The following GBE1 variants were observed in gnomAD, a reference collection of about 807,000 sequenced individuals.
GBE1 encodes 1,4-alpha-glucan branching enzyme 1, also known as 1,4-alpha-glucan-branching enzyme.
Under a neutral mutation model 88.8 loss-of-function variants are expected in GBE1, and 70 were observed. That is an observed-to-expected ratio of 0.79 (90% confidence interval 0.65 to 0.96). The LOEUF (loss-of-function observed/expected upper bound fraction) is 0.96, where lower values mean the gene tolerates loss of function less well. Among genes scored for constraint, GBE1 ranks in the 40% least tolerant of loss-of-function variants. The pLI is 0.00. For synonymous variants in GBE1, 284 were observed against 300.1 expected (o/e 0.95, Z 0.56); for missense variants, 872 against 871.0 (o/e 1.00, Z -0.01).
chr3:81,638,065 T>C (rs897175803), intron 7 of GBE1, among the ~76,000 whole-genome samples: 5 of 152,064 alleles, frequency 3.3e-5, no homozygotes, highest in African/African-American at 1.2e-4. Flanking sequence ...TACTAACTTG[T>C]AGAAAATGCC....
At chr3:81,557,139 C>T (rs1703359491) in intron 12 of GBE1, among the ~76,000 whole-genome samples, 1 of 152,036 alleles carries the variant, frequency 6.6e-6, no homozygotes, top group Non-Finnish European at 1.5e-5. Flanking sequence ...AGAATGTAGA[C>T]AGACTGGCTC....
intron 13 of GBE1, 21 bp from the exon 14 acceptor site, chr3:81,535,346 G>A: frequency 6.3e-7 from 1 of 1,584,750 alleles, no homozygotes; most frequent in Non-Finnish European, 8.5e-7. Flanking sequence ...TAGCACACAT[G>A]TTACATTTAA....
intron 14 of GBE1, among the ~76,000 whole-genome samples, chr3:81,527,924 T>G (rs1420471037): frequency 6.6e-6 from 1 of 152,002 alleles, no homozygotes; most frequent in East Asian, 1.9e-4. Context: ...ACACGTATGT[T>G]TATTGCGGCA....
chr3:81,627,885 C>G (rs1434726111), intron 7 of GBE1, among the ~76,000 whole-genome samples: 1 of 151,902 alleles, frequency 6.6e-6, no homozygotes, highest in Non-Finnish European at 1.5e-5. Context: ...CTCTTGGCCT[C>G]AAGCGATCCT....
At chr3:81,499,265 G>C (rs1471573851) in intron 14 of GBE1, 38 bp from the exon 15 acceptor site, 1 of 1,186,982 alleles carries the variant, frequency 8.4e-7, no homozygotes, top group Non-Finnish European at 1.2e-6. Context: ...TTGAGGAGTT[G>C]AATGAGACAT....
chr3:81,687,366 GAC>G (rs759826091), intron 2 of GBE1, among the ~76,000 whole-genome samples: 1 of 152,284 alleles, frequency 6.6e-6, no homozygotes, highest in Non-Finnish European at 1.5e-5. Flanking sequence ...ATGGATCTGT[GAC>G]AGCAATTTCT....
Position 81,582,747 on chromosome 3 carries a change from C to G in GBE1, c.1336-1472G>C, listed in dbSNP as rs140760671. ...CTTATATATTGCACAGAACTTAACT[C>G]AAAATGGATCATGGGCTTAAATATA... On this transcript the variant is annotated intron_variant, in intron 10 of 15. Coordinates refer to ENST00000429644, the MANE Select transcript of GBE1 (RefSeq NM_000158.4). 7.2e-5 allele frequency among the ~76,000 whole-genome samples: 11 copies of G among 151,986 alleles called. No individual in the cohort carries two copies. In the East Asian group the frequency reaches 2.1e-3, roughly 29 times the overall value.
chr3:81,722,863 T>C (rs868272952), intron 1 of GBE1, among the ~76,000 whole-genome samples: 14 of 147,918 alleles, frequency 9.5e-5, no homozygotes, highest in Admixed American at 4.1e-4. Context: ...CTAGGGTATG[T>C]GCATGGGCAC....
intron 14 of GBE1, among the ~76,000 whole-genome samples, chr3:81,521,093 T>C (rs1702867778): frequency 6.6e-6 from 1 of 151,552 alleles, no homozygotes; most frequent in African/African-American, 2.4e-5. Context: ...GTTTTTGGGA[T>C]GGCAGTCACC....
intron 1 of GBE1, among the ~76,000 whole-genome samples, chr3:81,750,603 GTA>G (rs72208832): frequency 0.25 from 9,590 of 38,176 alleles, 1,537 homozygotes; most frequent in Non-Finnish European, 0.3. Flanking sequence ...ATATATATGT[GTA>G]TATATATATA....
intron 12 of GBE1, among the ~76,000 whole-genome samples, chr3:81,537,884 A>T (rs145454323): frequency 5.1e-4 from 77 of 152,140 alleles, no homozygotes; most frequent in Non-Finnish European, 2.1e-4. Context: ...TATAATGATC[A>T]GAACCAGAAA....
chr3:81,621,399 C>G (rs1704331659), intron 7 of GBE1, among the ~76,000 whole-genome samples: 1 of 152,110 alleles, frequency 6.6e-6, no homozygotes, highest in Non-Finnish European at 1.5e-5. Context: ...TGGAGAAACA[C>G]CATTGTCATT....
intron 14 of GBE1, 187 bp downstream of exon 14, chr3:81,535,008 A>G (rs1293329314): frequency 7.1e-6 from 4 of 562,510 alleles, no homozygotes; most frequent in Non-Finnish European, 1.2e-5. Context: ...AAGCTTAGGA[A>G]TAATTCAGTA....
chr3:81,649,795 C>T lies in GBE1; in HGVS notation c.555+1G>A. The T allele has an allele frequency of 6.2e-7, 1 of 1,601,452 alleles. No individual in the cohort carries two copies. The highest frequency in any genetic ancestry group is 8.5e-7 in the Non-Finnish European group (1 of 1,174,556). ...TTTATTTAAAGATTTGTTGTTCTCACCTCATATGAGTGTTCTGGATCCCAG... is the reference window on the plus strand; with the variant it reads ...TTTATTTAAAGATTTGTTGTTCTCATCTCATATGAGTGTTCTGGATCCCAG... On this transcript the variant is annotated splice_donor_variant, in intron 4 of 15. Coordinates refer to ENST00000429644, the MANE Select transcript of GBE1 (RefSeq NM_000158.4). LOFTEE classifies it high-confidence loss of function.
intron 11 of GBE1, among the ~76,000 whole-genome samples, chr3:81,580,824 C>T (rs1002703283): frequency 1.3e-5 from 2 of 151,984 alleles, no homozygotes; most frequent in African/African-American, 4.8e-5. Context: ...AAGACGGAAA[C>T]TAAAATAAAC....
chr3:81,492,726 TTCCTTCCTTTTC>T (rs1223914104), intron 15 of GBE1, among the ~76,000 whole-genome samples: 6 of 150,592 alleles, frequency 4.0e-5, no homozygotes, highest in African/African-American at 1.5e-4. Flanking sequence ...CCTTCCTTCC[TTCCTTCCTTTTC>T]TTTCTTTCTT....
intron 13 of GBE1, among the ~76,000 whole-genome samples, chr3:81,536,493 A>T (rs1378132765): frequency 6.6e-6 from 1 of 151,970 alleles, no homozygotes; most frequent in African/African-American, 2.4e-5. Context: ...GCCACTAAAG[A>T]AGAGAAAAAA....
At chr3:81,641,170 T>C (rs1231207816) in intron 7 of GBE1, among the ~76,000 whole-genome samples, 1 of 152,136 alleles carries the variant, frequency 6.6e-6, no homozygotes, top group East Asian at 1.9e-4. Context: ...AAGAATTGTT[T>C]TAAAACATAA....
intron 12 of GBE1, among the ~76,000 whole-genome samples, chr3:81,562,907 G>A (rs879546831): frequency 1.2e-4 from 18 of 151,550 alleles, no homozygotes; most frequent in Non-Finnish European, 2.5e-4. Flanking sequence ...TTGGGATGGA[G>A]AAGTAAGGAC....
Sources: gnomAD v4.1 joint callset for allele counts (sites outside exome capture counted in the v4.1 genomes callset) on GRCh38, gnomAD v4.1.1 for gene constraint, MANE v1.5 for transcripts, NCBI Gene and HGNC (gene_info 2026-07-23, HGNC 2026-07-21) for gene names.